The following SLCO5A1 variants were observed in gnomAD, a reference collection of about 807,000 sequenced individuals.
SLCO5A1 encodes the protein solute carrier organic anion transporter family member 5A1, also known as organic anion transporter polypeptide-related protein 4.
A neutral mutation model predicts 65.1 loss-of-function variants in SLCO5A1; 39 were observed. The observed-to-expected ratio is 0.60, with a 90% CI of 0.46 to 0.78. The LOEUF is 0.78. SLCO5A1 is among the 30% of genes least tolerant of loss of function. SLCO5A1 has a pLI of 0.00. For synonymous variants in SLCO5A1, 438 were observed against 415.7 expected (o/e 1.05, Z -0.65); for missense variants, 1,029 against 1,069.4 (o/e 0.96, Z 0.53).
chr8:69,738,021 C>A lies in SLCO5A1; in HGVS notation c.1423+19G>T, dbSNP rs1322498476. On this transcript the variant is annotated intron_variant, in intron 5 of 9. Transcript: ENST00000260126. ...CAAAATGATCATGTTTTCAAGCAGC[C>A]CTAGCGGCAGTGCCTTACCAGTGTA... 1.2e-6 allele frequency: 2 copies of A among 1,609,772 alleles called. No individual in the cohort carries two copies. The highest frequency in any genetic ancestry group is 1.1e-5 in the South Asian group (1 of 90,466).
intron 5 of SLCO5A1, among the ~76,000 whole-genome samples, chr8:69,709,900 A>G (rs748630953): frequency 3.9e-5 from 6 of 152,172 alleles, no homozygotes; most frequent in Admixed American, 6.5e-5. Flanking sequence ...ATGCTCCGGC[A>G]TGTTCAACAA....
chr8:69,771,060 C>T (rs1259994245), intron 2 of SLCO5A1, among the ~76,000 whole-genome samples: 2 of 152,156 alleles, frequency 1.3e-5, no homozygotes, highest in Admixed American at 1.3e-4. Flanking sequence ...CCTTGGCTCA[C>T]TGCAACCTCC....
At chr8:69,784,942 GAAA>G (rs1188696793) in intron 2 of SLCO5A1, among the ~76,000 whole-genome samples, 2 of 117,286 alleles carry the variant, frequency 1.7e-5, no homozygotes, top group African/African-American at 6.8e-5. Context: ...AAGAAAGAAA[GAAA>G]GAAAGAAGAA....
rs117367612 is a variant in SLCO5A1, at chr8:69,801,529, C to T, written c.907+30238G>A. ...AAATATTTTACAGCAAAGTACATTA[C>T]TATAGATCTTAGTCTTTCTCCATTG... On this transcript the variant is annotated intron_variant, in intron 2 of 9. Coordinates refer to ENST00000260126, the MANE Select transcript of SLCO5A1 (RefSeq NM_030958.3). 1.5e-3 allele frequency among the ~76,000 whole-genome samples: 236 copies of T among 152,272 alleles called. 1 individual carries two copies. The highest frequency in any genetic ancestry group is 2.3e-3 in the Non-Finnish European group (154 of 68,024).
At chr8:69,802,870 A>T (rs527595070) in intron 2 of SLCO5A1, among the ~76,000 whole-genome samples, 1 of 152,212 alleles carries the variant, frequency 6.6e-6, no homozygotes, top group Non-Finnish European at 1.5e-5. Flanking sequence ...TGCCTCTTGC[A>T]CCAGCACAGA....
chr8:69,816,463 G>A (rs1458483156), intron 2 of SLCO5A1, among the ~76,000 whole-genome samples: 1 of 152,086 alleles, frequency 6.6e-6, no homozygotes, highest in East Asian at 1.9e-4. Flanking sequence ...GGCAGCTGTG[G>A]GACCCCCATC....
chr8:69,823,777 G>A (rs1204313747), intron 2 of SLCO5A1, among the ~76,000 whole-genome samples: 2 of 152,056 alleles, frequency 1.3e-5, no homozygotes. Flanking sequence ...CAAGCAGACC[G>A]AATAGACATC....
At chr8:69,750,295 C>T (rs183284474) in intron 4 of SLCO5A1, among the ~76,000 whole-genome samples, 2 of 152,192 alleles carry the variant, frequency 1.3e-5, no homozygotes, top group African/African-American at 4.8e-5. Context: ...GCTGTCCTTT[C>T]CTTCTCTACT....
At chr8:69,746,797 A>T (rs1402997265) in intron 4 of SLCO5A1, among the ~76,000 whole-genome samples, 1 of 152,216 alleles carries the variant, frequency 6.6e-6, no homozygotes, top group African/African-American at 2.4e-5. Flanking sequence ...TTGACTTCTT[A>T]AAAAGCTTGC....
chr8:69,785,975 CTA>C (rs1472646089), intron 2 of SLCO5A1, among the ~76,000 whole-genome samples: 5 of 152,310 alleles, frequency 3.3e-5, no homozygotes, highest in Admixed American at 2.6e-4. Context: ...CATAAATACA[CTA>C]TGTGAAATTT....
intron 6 of SLCO5A1, among the ~76,000 whole-genome samples, chr8:69,691,943 A>T (rs1329505366): frequency 6.6e-6 from 1 of 152,210 alleles, no homozygotes; most frequent in Non-Finnish European, 1.5e-5. Context: ...AACATAGGAA[A>T]AGTACAATAA....
chr8:69,738,419 A>G (rs1023699113), intron 4 of SLCO5A1, among the ~76,000 whole-genome samples: 18 of 152,036 alleles, frequency 1.2e-4, no homozygotes, highest in African/African-American at 4.3e-4. Flanking sequence ...GGATATGGAA[A>G]TTAAGTAAAG....
rs1303762219 is a variant in SLCO5A1 at position 69,832,764 on chromosome 8, T to A, written c.-91A>T. ...CACGAGGGGCCGAAGCCGGGCCCAG[T>A]CAGTCTTGCCCACCTGGGACTGGGG... On this transcript the variant is annotated 5_prime_UTR_variant, in exon 2 of 10. Coordinates refer to ENST00000260126, the MANE Select transcript of SLCO5A1 (RefSeq NM_030958.3). This position sits in a 1 kb window ranked among gnomAD's most constrained non-coding sequence, Gnocchi z 4.5. 4 of 1,442,064 alleles carry A rather than the reference T, an allele frequency of 2.8e-6. No individual in the cohort carries two copies. Among genetic ancestry groups the A allele is most frequent in the Non-Finnish European group, 3.7e-6 (4 of 1,084,932 alleles). 89.3% of individuals were successfully genotyped at this position (1,442,064 alleles called of 1,614,324 possible).
intron 2 of SLCO5A1, among the ~76,000 whole-genome samples, chr8:69,784,861 A>AAGAAAGAAAGAAAGAG (rs1376200828): frequency 2.8e-4 from 38 of 135,524 alleles, no homozygotes; most frequent in African/African-American, 1.0e-3. Context: ...GAAAGAAAGA[A>AAGAAAGAAAGAAAGAG]AGGGAAGGAA....
At chr8:69,806,607 C>G (rs774784773) in intron 2 of SLCO5A1, among the ~76,000 whole-genome samples, 1 of 152,230 alleles carries the variant, frequency 6.6e-6, no homozygotes, top group Non-Finnish European at 1.5e-5. Flanking sequence ...CGTGCAGGAG[C>G]AAGCCTAACA....
intron 4 of SLCO5A1, among the ~76,000 whole-genome samples, chr8:69,748,899 G>A (rs927634931): frequency 6.6e-6 from 1 of 152,174 alleles, no homozygotes; most frequent in Non-Finnish European, 1.5e-5. Flanking sequence ...TGTAGGCTGG[G>A]TTTGAGAACC....
intron 5 of SLCO5A1, among the ~76,000 whole-genome samples, chr8:69,710,115 T>C (rs1815168952): frequency 6.8e-6 from 1 of 147,212 alleles, no homozygotes; most frequent in Non-Finnish European, 1.5e-5. Flanking sequence ...GCCTCCCAGG[T>C]TCAAGTGATT....
chr8:69,712,495 A>T (rs1413842586), intron 5 of SLCO5A1, among the ~76,000 whole-genome samples: 2 of 152,250 alleles, frequency 1.3e-5, no homozygotes, highest in Admixed American at 6.5e-5. Flanking sequence ...TTAAAGCATG[A>T]TTTGGAGCAC....
chr8:69,774,207 T>A (rs1361075279), intron 2 of SLCO5A1, among the ~76,000 whole-genome samples: 1 of 152,198 alleles, frequency 6.6e-6, no homozygotes, highest in Non-Finnish European at 1.5e-5. Context: ...GCTTCGTCCT[T>A]ACATCAGAGC....
Sources: gnomAD v4.1 joint callset for allele counts (sites outside exome capture counted in the v4.1 genomes callset) on GRCh38, gnomAD v4.1.1 for gene constraint, Gnocchi (gnomAD v3.1) non-coding constraint, MANE v1.5 for transcripts, NCBI Gene and HGNC (gene_info 2026-07-23, HGNC 2026-07-21) for gene names.